Variants in ANKHD1 observed in about 807,000 individuals in gnomAD.
ANKHD1 encodes ankyrin repeat and KH domain containing 1, also known as ankyrin repeat and KH domain-containing protein 1.
A neutral mutation model predicts 230.5 loss-of-function variants in ANKHD1; 31 were observed. That is an observed-to-expected ratio of 0.13 (90% CI 0.10 to 0.18). The LOEUF (loss-of-function observed/expected upper bound fraction) is 0.18. Ranked by LOEUF, ANKHD1 falls within the 10% of genes least tolerant of loss-of-function variation. ANKHD1 has a pLI of 1.00. For missense variants in ANKHD1, 2,256 were observed against 3,071.3 expected, an observed-to-expected ratio of 0.73 and a Z score of 6.27; for synonymous variants, 1,074 against 1,117.6, an observed-to-expected ratio of 0.96 and a Z score of 0.78.
At chr5:140,440,082 T>C in intron 3 of ANKHD1, 37 bp from the exon 4 acceptor site, 1 of 1,527,132 alleles carries the variant, frequency 6.5e-7, no homozygotes, top group Non-Finnish European at 8.8e-7. Context: ...CCCGAGTCTT[T>C]TTGTTTCGGT....
At chr5:140,511,683 T>C (rs1207407337) in intron 22 of ANKHD1, among the ~76,000 whole-genome samples, 1 of 152,226 alleles carries the variant, frequency 6.6e-6, no homozygotes, top group Non-Finnish European at 1.5e-5. Flanking sequence ...TTTAGCACAG[T>C]GCAATTTACA....
intron 24 of ANKHD1, among the ~76,000 whole-genome samples, chr5:140,522,000 C>T (rs1373730591): frequency 3.3e-5 from 5 of 152,088 alleles, no homozygotes; most frequent in East Asian, 1.9e-4. Context: ...AATAAAGTTA[C>T]GTAATTCAGT....
At chr5:140,410,518 TAAACA>T (rs1346906087) in intron 1 of ANKHD1, among the ~76,000 whole-genome samples, 2 of 152,106 alleles carry the variant, frequency 1.3e-5, no homozygotes, top group East Asian at 3.8e-4. Context: ...AATTGGCAAG[TAAACA>T]AAATAAATGA....
intron 8 of ANKHD1, 94 bp downstream of exon 8, chr5:140,458,956 ATATATATATATATATATATATATG>A (rs1775439699): frequency 2.4e-4 from 4 of 16,890 alleles, no homozygotes; most frequent in Non-Finnish European, 4.6e-4. Flanking sequence ...ATATATATAT[ATATATATATATATATATATATATG>A]CATATATATA....
At chr5:140,496,425 G>T in intron 14 of ANKHD1, 95 bp from the exon 15 acceptor site, 2 of 1,320,928 alleles carry the variant, frequency 1.5e-6, no homozygotes, top group Non-Finnish European at 2.0e-6. Flanking sequence ...CGTGTGTGTG[G>T]GAGGGGAGGC....
At chr5:140,494,199 G>A (rs1429117072) in intron 14 of ANKHD1, among the ~76,000 whole-genome samples, 2 of 152,064 alleles carry the variant, frequency 1.3e-5, no homozygotes, top group African/African-American at 2.4e-5. Flanking sequence ...TCCTTTTCTT[G>A]TTGATTGTCA....
intron 10 of ANKHD1, among the ~76,000 whole-genome samples, chr5:140,467,105 CTA>C (rs923171950): frequency 4.6e-5 from 7 of 151,900 alleles, no homozygotes; most frequent in African/African-American, 1.5e-4. Flanking sequence ...TATTTTTTCA[CTA>C]TGTGTTCTTG....
At position 140,459,366 on chromosome 5, in the gene ANKHD1, T is replaced by C; in HGVS notation, c.1672+11T>C. 6.5e-7 allele frequency: 1 copy of C among 1,538,668 alleles called. No individual in the cohort carries two copies. Among genetic ancestry groups the C allele is most frequent in the Non-Finnish European group, 8.8e-7 (1 of 1,135,588 alleles). On this transcript the variant is annotated intron_variant, in intron 9 of 33. Coordinates refer to ENST00000360839, the MANE Select transcript of ANKHD1 (RefSeq NM_017747.3). The stretch of plus-strand genomic sequence containing the variant: ...ATTTGCTGGCTTCTGGTATGTGGCT[T>C]TAAGATGCCTTATTGCTCAGAAAGA...
chr5:140,509,129 C>T (rs1752657098), intron 20 of ANKHD1, among the ~76,000 whole-genome samples: 1 of 152,050 alleles, frequency 6.6e-6, no homozygotes, highest in Non-Finnish European at 1.5e-5. Context: ...ATGAGTCTTT[C>T]CTGTCATTCA....
intron 1 of ANKHD1, among the ~76,000 whole-genome samples, chr5:140,425,466 C>G (rs943104270): frequency 5.3e-5 from 8 of 152,128 alleles, no homozygotes; most frequent in African/African-American, 1.9e-4. Flanking sequence ...ACCCTGTTGC[C>G]CAGGCTGGTT....
Position 140,422,811 on chromosome 5 carries a change from G to A in ANKHD1, c.307-13293G>A, listed in dbSNP as rs567704491. Among the ~76,000 whole-genome samples, 6 of 121,422 alleles carry A rather than the reference G, an allele frequency of 4.9e-5. No individual in the cohort carries two copies. In the South Asian group the frequency reaches 1.2e-3, roughly 25 times the overall value. 79.7% of individuals were successfully genotyped at this position (121,422 alleles called of 152,430 possible). A position where few individuals can be genotyped will look rare whatever the true frequency, so the allele number is the denominator to read the frequency against. On this transcript the variant is annotated intron_variant, in intron 1 of 33. Coordinates refer to ENST00000360839, the MANE Select transcript of ANKHD1 (RefSeq NM_017747.3). ...GGTGACGGAGCAAGACTCTGTCTTG[G>A]GGGGGAAAAAAGACATCAGTCTTTT...
chr5:140,446,488 G>C (rs1774292424), intron 6 of ANKHD1, among the ~76,000 whole-genome samples: 1 of 152,148 alleles, frequency 6.6e-6, no homozygotes, highest in Non-Finnish European at 1.5e-5. Context: ...AGCCTCCCAA[G>C]TAGCTGGGAC....
At position 140,507,115 on chromosome 5, in the gene ANKHD1, T is replaced by C. The variant is rs1012892554; in HGVS notation, c.3551+138T>C. ...GCAAAGCCAACGATTATACCTATAA[T>C]GTGTTTGTTTATAAGTAATCTCAGC... On this transcript the variant is annotated intron_variant, in intron 19 of 33. Transcript: ENST00000360839. The surrounding 1 kb of genome is among the most constrained non-coding windows in gnomAD (Gnocchi z 4.1). The C allele has an allele frequency of 4.7e-6, 6 of 1,270,068 alleles. No individual in the cohort carries two copies. The highest frequency in any genetic ancestry group is 6.4e-6 in the Non-Finnish European group (6 of 943,572). The allele number at this position is 1,270,068 out of a possible 1,614,324, so 78.7% of individuals were successfully genotyped here.
intron 7 of ANKHD1, among the ~76,000 whole-genome samples, chr5:140,453,588 C>T (rs1774921483): frequency 6.6e-6 from 1 of 152,156 alleles, no homozygotes; most frequent in Non-Finnish European, 1.5e-5. Flanking sequence ...AATTTTCAAC[C>T]CAGAATTTCA....
intron 5 of ANKHD1, among the ~76,000 whole-genome samples, chr5:140,444,919 T>C (rs1774156752): frequency 6.6e-6 from 1 of 152,176 alleles, no homozygotes; most frequent in Non-Finnish European, 1.5e-5. Context: ...GTCTTTTGTA[T>C]TGGGCTTTCC....
intron 10 of ANKHD1, among the ~76,000 whole-genome samples, chr5:140,476,668 G>C (rs1750983914): frequency 6.6e-6 from 1 of 152,016 alleles, no homozygotes; most frequent in Non-Finnish European, 1.5e-5. Flanking sequence ...ACCATCATTA[G>C]ACCCTTGACA....
chr5:140,445,786 A>T lies in ANKHD1; in HGVS notation c.958A>T (p.Ile320Phe), dbSNP rs377001984. 1 of 1,612,092 alleles carries T rather than the reference A, an allele frequency of 6.2e-7. No homozygotes were observed. Among genetic ancestry groups the T allele is most frequent in the East Asian group, 2.2e-5 (1 of 44,810 alleles). ...TGCATGTGCTGGAGGATTTGTTGAC[A>T]TTGTTAAAGTGCTCCTTAATGAAGG... ...TYACAGGFVD[I>F]VKVLLNEGAN... is the part of the protein sequence containing the mutation. Residue 320 changes from isoleucine (I) to phenylalanine (F), a missense_variant, in exon 6 of 34, where the codon ATT (isoleucine) becomes TTT (phenylalanine). Coordinates refer to ENST00000360839, the MANE Select transcript of ANKHD1 (RefSeq NM_017747.3).
chr5:140,450,985 TCTA>T (rs1481514661), intron 7 of ANKHD1, among the ~76,000 whole-genome samples: 4 of 151,938 alleles, frequency 2.6e-5, no homozygotes, highest in Non-Finnish European at 5.9e-5. Context: ...AAACCCCATC[TCTA>T]CTAAAATACA....
At chr5:140,479,303 G>A (rs111567763) in intron 10 of ANKHD1, among the ~76,000 whole-genome samples, 3,193 of 152,000 alleles carry the variant, frequency 0.021, 117 homozygotes, top group African/African-American at 0.073. Context: ...CAGCCGAAAT[G>A]GATGCTTTCT....
Sources: allele counts gnomAD v4.1 joint callset (sites outside exome capture counted in the v4.1 genomes callset), GRCh38; gene constraint gnomAD v4.1.1; non-coding constraint Gnocchi (gnomAD v3.1); transcripts MANE v1.5; gene names NCBI Gene and HGNC (gene_info 2026-07-23, HGNC 2026-07-21).